The following PDE7B variants were observed in gnomAD, a reference collection of about 807,000 sequenced individuals.
The protein encoded by PDE7B is phosphodiesterase 7B.
A neutral mutation model predicts 56.2 loss-of-function variants in PDE7B; 29 were observed. The observed-to-expected ratio is 0.52, with a 90% CI of 0.38 to 0.70. The LOEUF is 0.70. Ranked by LOEUF, PDE7B falls within the 30% of genes least tolerant of loss-of-function variation. The pLI is 0.00. For synonymous variants in PDE7B, 197 were observed against 196.9 expected (o/e 1.00, Z 0.00); for missense variants, 490 against 565.0 (o/e 0.87, Z 1.35).
At chr6:136,178,849 C>A in intron 9 of PDE7B, 148 bp from the exon 10 acceptor site, 1 of 793,860 alleles carries the variant, frequency 1.3e-6, no homozygotes, top group Non-Finnish European at 2.1e-6. Context: ...GACTTGCTCT[C>A]AGGCAGTGAA....
At chr6:136,084,044 A>C (rs1239965585) in intron 2 of PDE7B, among the ~76,000 whole-genome samples, 1 of 152,168 alleles carries the variant, frequency 6.6e-6, no homozygotes, top group East Asian at 1.9e-4. Context: ...CTATGTAACA[A>C]TTTTGACTTC....
At chr6:135,936,811 G>A (rs73775625) in intron 1 of PDE7B, among the ~76,000 whole-genome samples, 4,067 of 152,202 alleles carry the variant, frequency 0.027, 203 homozygotes, top group African/African-American at 0.092. Context: ...CATTCTCAAC[G>A]CTCACTCTCT....
chr6:135,921,120 A>G (rs1562440156), intron 1 of PDE7B, among the ~76,000 whole-genome samples: 1 of 152,154 alleles, frequency 6.6e-6, no homozygotes, highest in Non-Finnish European at 1.5e-5. Context: ...ATTTTGGTTT[A>G]GTGCCACACT....
At chr6:136,098,886 AT>A (rs1777515049) in intron 2 of PDE7B, among the ~76,000 whole-genome samples, 1 of 151,718 alleles carries the variant, frequency 6.6e-6, no homozygotes, top group African/African-American at 2.4e-5. Flanking sequence ...TTAACTCGTC[AT>A]TTACATTAGG....
At position 135,956,503 on chromosome 6, in the gene PDE7B, G is replaced by A. The variant is rs188097115; in HGVS notation, c.82+8979G>A. ...CAAGAAATTGGTCTGAGAGGGCTGA[G>A]TGCAGTGGCTCATGCCTGTAATCTC... On this transcript the variant is annotated intron_variant, in intron 2 of 12. Transcript: ENST00000308191. Among the ~76,000 whole-genome samples, 10 of 152,292 alleles carry A rather than the reference G, an allele frequency of 6.6e-5. No individual in the cohort carries two copies. In the South Asian group the frequency reaches 1.0e-3, roughly 16 times the overall value.
At chr6:135,990,036 A>G (rs1159490811) in intron 2 of PDE7B, among the ~76,000 whole-genome samples, 1 of 151,978 alleles carries the variant, frequency 6.6e-6, no homozygotes, top group Non-Finnish European at 1.5e-5. Context: ...ATTGTTGCAG[A>G]CTATGGTCAG....
At chr6:135,873,032 G>A (rs1002390350) in intron 1 of PDE7B, among the ~76,000 whole-genome samples, 2 of 152,062 alleles carry the variant, frequency 1.3e-5, no homozygotes, top group Non-Finnish European at 2.9e-5. Flanking sequence ...TCTGTAAATA[G>A]AAACGTTCTA....
chr6:135,955,844 CAGATCG>C (rs1774783802), intron 2 of PDE7B, among the ~76,000 whole-genome samples: 1 of 152,156 alleles, frequency 6.6e-6, no homozygotes, highest in African/African-American at 2.4e-5. Flanking sequence ...TGTTATTAAA[CAGATCG>C]AGATACTGCC....
At chr6:136,114,296 AT>A (rs1308969729) in intron 3 of PDE7B, among the ~76,000 whole-genome samples, 1 of 152,290 alleles carries the variant, frequency 6.6e-6, no homozygotes, top group Non-Finnish European at 1.5e-5. Context: ...AAACATATAT[AT>A]TTTTTAACCT....
At chr6:135,937,764 G>A (rs1238449792) in intron 1 of PDE7B, among the ~76,000 whole-genome samples, 5 of 152,118 alleles carry the variant, frequency 3.3e-5, no homozygotes, top group Admixed American at 2.6e-4. Flanking sequence ...AATGACCTCT[G>A]CTCTGTAGAC....
intron 8 of PDE7B, among the ~76,000 whole-genome samples, chr6:136,163,206 G>A (rs1189552228): frequency 6.6e-6 from 1 of 152,226 alleles, no homozygotes; most frequent in African/African-American, 2.4e-5. Flanking sequence ...ACTCATGCCT[G>A]GACATACAGG....
At chr6:136,155,256 TTTC>T (rs1187467635) in intron 7 of PDE7B, among the ~76,000 whole-genome samples, 1 of 152,194 alleles carries the variant, frequency 6.6e-6, no homozygotes, top group Non-Finnish European at 1.5e-5. Context: ...GACCAACTTT[TTTC>T]TTCATTTACA....
At chr6:136,119,577 T>G (rs1274743966) in intron 3 of PDE7B, among the ~76,000 whole-genome samples, 1 of 152,216 alleles carries the variant, frequency 6.6e-6, no homozygotes, top group African/African-American at 2.4e-5. Flanking sequence ...CTACTTTGCT[T>G]GTCATTTTAA....
At chr6:135,852,295 C>T (rs765502979) in intron 1 of PDE7B, among the ~76,000 whole-genome samples, 31 of 151,842 alleles carry the variant, frequency 2.0e-4, no homozygotes, top group African/African-American at 7.2e-4. Context: ...TGAGCCCACA[C>T]TGAGGTGGTC....
intron 1 of PDE7B, among the ~76,000 whole-genome samples, chr6:135,858,430 G>A (rs1775079777): frequency 6.6e-6 from 1 of 152,154 alleles, no homozygotes; most frequent in Non-Finnish European, 1.5e-5. Context: ...TGGTATTGCA[G>A]GTGTAAGCCA....
intron 1 of PDE7B, among the ~76,000 whole-genome samples, chr6:135,853,469 C>T (rs943563515): frequency 3.9e-5 from 6 of 152,172 alleles, no homozygotes; most frequent in African/African-American, 1.4e-4. Context: ...TCTGCTTTAT[C>T]TTTTATTACT....
At chr6:136,155,533 C>T in intron 7 of PDE7B, 94 bp from the exon 8 acceptor site, 1 of 1,030,446 alleles carries the variant, frequency 9.7e-7, no homozygotes, top group Middle Eastern at 2.1e-4. Flanking sequence ...TTAAACAATG[C>T]CATGATGATT....
chr6:135,991,875 G>A (rs1446483021), intron 2 of PDE7B: 2 of 152,184 alleles, frequency 1.3e-5, no homozygotes, highest in African/African-American at 2.4e-5. Context: ...CATGCATGAA[G>A]ATAGATTATT....
intron 1 of PDE7B, among the ~76,000 whole-genome samples, chr6:135,869,557 C>T (rs1483682429): frequency 6.6e-6 from 1 of 152,122 alleles, no homozygotes; most frequent in Non-Finnish European, 1.5e-5. Context: ...AACAAAGTTC[C>T]CATCCCCATG....
Sources: gnomAD v4.1 joint callset for allele counts (sites outside exome capture counted in the v4.1 genomes callset) on GRCh38, gnomAD v4.1.1 for gene constraint, MANE v1.5 for transcripts, NCBI Gene and HGNC (gene_info 2026-07-23, HGNC 2026-07-21) for gene names.